The following BEND6 variants were observed in gnomAD, a reference collection of about 807,000 sequenced individuals.
BEND6 encodes the protein BEN domain containing 6.
Under a neutral mutation model 31.8 loss-of-function variants are expected in BEND6, and 24 were observed. That is an observed-to-expected ratio of 0.75 (90% confidence interval 0.55 to 1.06). BEND6 has a LOEUF of 1.06. Ranked by LOEUF, BEND6 falls within the 50% of genes least tolerant of loss-of-function variation. BEND6 has a pLI of 0.00. For missense variants in BEND6, 294 were observed against 327.4 expected, an observed-to-expected ratio of 0.90 and a Z score of 0.79; for synonymous variants, 109 against 114.6, an observed-to-expected ratio of 0.95 and a Z score of 0.31.
chr6:56,975,862 A>G, intron 1 of BEND6: 1 of 528,602 alleles, frequency 1.9e-6, no homozygotes, highest in East Asian at 5.1e-5. Flanking sequence ...GCCTATGTTC[A>G]TCAGTCATAG....
chr6:56,956,376 C>A lies in BEND6; in HGVS notation c.-101+916C>A, dbSNP rs531941417. Among the ~76,000 whole-genome samples the A allele has an allele frequency of 3.3e-5, 5 of 152,298 alleles. No individual in the cohort carries two copies. In the East Asian group the frequency reaches 9.6e-4, roughly 29 times the overall value. On this transcript the variant is annotated intron_variant, in intron 1 of 6. Coordinates refer to ENST00000370746, the MANE Select transcript of BEND6 (RefSeq NM_152731.3). ...AAATCAGTGTTGTTTTCCAACTATA[C>A]AAAACCGTACAGCTCTGCATGAAAG...
intron 4 of BEND6, among the ~76,000 whole-genome samples, chr6:57,015,915 T>C (rs1167696832): frequency 6.6e-6 from 1 of 151,652 alleles, no homozygotes; most frequent in African/African-American, 2.4e-5. Flanking sequence ...TCTGAGGAAG[T>C]CAAGATCAAT....
chr6:57,025,832 A>G, intron 6 of BEND6, among the ~76,000 whole-genome samples: 1 of 152,008 alleles, frequency 6.6e-6, no homozygotes, highest in East Asian at 1.9e-4. Flanking sequence ...AAACTGTTTC[A>G]TCCTCTTACT....
At chr6:56,992,834 T>C (rs190762974) in intron 3 of BEND6, among the ~76,000 whole-genome samples, 105 of 152,326 alleles carry the variant, frequency 6.9e-4, no homozygotes, top group African/African-American at 2.3e-3. Flanking sequence ...GAGCATTTAA[T>C]ATACACGACT....
intron 3 of BEND6, chr6:57,008,859 A>G (rs567861446): frequency 2.6e-5 from 4 of 152,408 alleles, no homozygotes; most frequent in African/African-American, 9.6e-5. Context: ...CATCGTTCAC[A>G]ATAGATAACA....
chr6:56,971,798 A>T (rs1171856353), intron 1 of BEND6, among the ~76,000 whole-genome samples: 1 of 151,980 alleles, frequency 6.6e-6, no homozygotes, highest in Non-Finnish European at 1.5e-5. Context: ...CAAGTCCTTT[A>T]CTCATTTTTG....
At chr6:56,972,043 T>C (rs1825705384) in intron 1 of BEND6, among the ~76,000 whole-genome samples, 1 of 151,172 alleles carries the variant, frequency 6.6e-6, no homozygotes, top group Admixed American at 6.6e-5. Flanking sequence ...TCCAGTTGCA[T>C]AAAGCTTTTG....
chr6:56,998,654 A>G (rs891924590), intron 3 of BEND6, among the ~76,000 whole-genome samples: 2 of 151,996 alleles, frequency 1.3e-5, no homozygotes, highest in African/African-American at 2.4e-5. Flanking sequence ...ACCAGAAACT[A>G]TGGAACTTCT....
rs138064771 is a variant in BEND6, at chr6:57,015,063, C to CA, written c.299-63dup. 6,294 of 1,363,892 alleles carry CA rather than the reference C, an allele frequency of 4.6e-3. 232 individuals carry two copies. The African/African-American group carries it at 0.076, about 17-fold the overall frequency. 84.5% of individuals were successfully genotyped at this position (1,363,892 alleles called of 1,614,324 possible). Reference sequence around the variant, plus strand: ...CATATTTCTATGCACATACACTCAACAAAAAAATATGTACATATGCACCTA... The same window carrying CA: ...CATATTTCTATGCACATACACTCAACAAAAAAAATATGTACATATGCACCTA... On this transcript the variant is annotated intron_variant, in intron 3 of 6. Transcript: ENST00000370746.
intron 2 of BEND6, among the ~76,000 whole-genome samples, chr6:56,982,134 TG>T (rs1826094736): frequency 6.6e-6 from 1 of 152,216 alleles, no homozygotes; most frequent in Non-Finnish European, 1.5e-5. Flanking sequence ...TTGCCCAGGC[TG>T]GTCTCAAATT....
At chr6:57,023,034 T>A (rs1409348107) in intron 6 of BEND6, among the ~76,000 whole-genome samples, 3 of 152,220 alleles carry the variant, frequency 2.0e-5, no homozygotes, top group Admixed American at 1.3e-4. Flanking sequence ...ACTTGTTTTG[T>A]GGCCTAGATA....
intron 1 of BEND6, among the ~76,000 whole-genome samples, chr6:56,962,357 T>C (rs1047919726): frequency 6.6e-6 from 1 of 152,360 alleles, no homozygotes; most frequent in East Asian, 1.9e-4. Context: ...TAGGTCTCAA[T>C]GTCACATCAT....
Position 56,981,908 on chromosome 6 carries a change from A to T in BEND6, c.98A>T (p.Asn33Ile). Residue 33 changes from asparagine to isoleucine, a missense_variant, in exon 2 of 7, where the codon AAT (asparagine) becomes ATT (isoleucine). Physicochemically the swap from Asn to Ile is moderately radical, Grantham distance 149. Transcript: ENST00000370746. ...GAGACAATGGACTCAGAAAATGCAA[A>T]TAGTGACATGGATAAAGGACAGGTT... ...RTETMDSENANSDMDKGQRDP... is the reference protein window; with the variant it reads ...RTETMDSENAISDMDKGQRDP... 6.2e-7 allele frequency: 1 copy of T among 1,612,284 alleles called. No individual in the cohort carries two copies. Among genetic ancestry groups the T allele is most frequent in the Non-Finnish European group, 8.5e-7 (1 of 1,179,228 alleles).
Position 57,012,929 on chromosome 6 carries a change from C to G in BEND6, c.299-2204C>G, listed in dbSNP as rs184884742. ...GTGCTATTCCTGTGCCTCTAACGAC[C>G]CCCTCATTCTCTACGGCAATTTAAT... On this transcript the variant is annotated intron_variant, in intron 3 of 6. Transcript: ENST00000370746. Among the ~76,000 whole-genome samples, 17 of 152,160 alleles carry G rather than the reference C, an allele frequency of 1.1e-4. No individual in the cohort carries two copies. The East Asian group carries it at 2.9e-3, about 26-fold the overall frequency.
At chr6:57,022,016 G>A (rs1827759235) in intron 6 of BEND6, among the ~76,000 whole-genome samples, 1 of 152,090 alleles carries the variant, frequency 6.6e-6, no homozygotes, top group African/African-American at 2.4e-5. Flanking sequence ...TTTTGTTGAA[G>A]ATTTTTGTAT....
At chr6:56,955,556 C>A (rs1322785642) in intron 1 of BEND6, 96 bp downstream of exon 1, 2 of 152,190 alleles carry the variant, frequency 1.3e-5, no homozygotes, top group East Asian at 3.9e-4. Context: ...AACGGGAGGC[C>A]CACTCCTCTC....
intron 3 of BEND6, among the ~76,000 whole-genome samples, chr6:57,000,140 G>A (rs564259038): frequency 2.5e-4 from 38 of 152,044 alleles, no homozygotes; most frequent in African/African-American, 6.5e-4. Context: ...CGGTTTTGTC[G>A]AAAAGAAAAG....
At chr6:56,968,570 C>A (rs1272641418) in intron 1 of BEND6, among the ~76,000 whole-genome samples, 1 of 151,914 alleles carries the variant, frequency 6.6e-6, no homozygotes, top group Non-Finnish European at 1.5e-5. Context: ...GCAATCCTCC[C>A]ACCTCAGCCT....
rs1825751128 is a variant in BEND6 at position 56,973,253 on chromosome 6, A to AC, written c.-100-8458_-100-8457insC. ...CTGTTACCATCACTAAATAGTACTT[A>AC]ATAGGTCCGTGTCAGTTAAACCTGG... On this transcript the variant is annotated intron_variant, in intron 1 of 6. Coordinates refer to ENST00000370746, the MANE Select transcript of BEND6 (RefSeq NM_152731.3). Among the ~76,000 whole-genome samples the AC allele has an allele frequency of 3.3e-5, 5 of 152,272 alleles. No homozygotes were observed. In the South Asian group the frequency reaches 1.0e-3, roughly 32 times the overall value.
Sources: allele counts gnomAD v4.1 joint callset (sites outside exome capture counted in the v4.1 genomes callset), GRCh38; gene constraint gnomAD v4.1.1; transcripts MANE v1.5; gene names NCBI Gene and HGNC (gene_info 2026-07-23, HGNC 2026-07-21).